The following UTRN variants were observed in gnomAD, a reference collection of about 807,000 sequenced individuals.
UTRN encodes utrophin, also known as dystrophin-related protein 1.
Under a neutral mutation model 463.9 loss-of-function variants are expected in UTRN, and 283 were observed. The ratio of observed to expected loss-of-function variants is 0.61; its 90% confidence interval spans 0.55 to 0.67. The LOEUF (loss-of-function observed/expected upper bound fraction) is 0.67. Among genes scored for constraint, UTRN ranks in the 30% least tolerant of loss-of-function variants. The probability of loss-of-function intolerance (pLI) is 0.00; values close to 1 mark genes in which losing one functional copy is unlikely to be tolerated. For missense variants in UTRN, 3,922 were observed against 4,084.3 expected (o/e 0.96, Z 1.08); for synonymous variants, 1,442 against 1,431.5 (o/e 1.01, Z -0.17).
chr6:144,842,553 C>T (rs1781678074), intron 73 of UTRN, among the ~76,000 whole-genome samples: 1 of 152,158 alleles, frequency 6.6e-6, no homozygotes, highest in South Asian at 2.1e-4. Context: ...CATGCCACTG[C>T]ACTTCAGCCT....
chr6:144,489,947 A>G, intron 30 of UTRN, 124 bp from the exon 31 acceptor site: 1 of 1,359,362 alleles, frequency 7.4e-7, no homozygotes, highest in Non-Finnish European at 9.9e-7. Flanking sequence ...GCTTCTGTGG[A>G]GGTCAACATT....
chr6:144,756,265 A>G (rs1791974923), intron 57 of UTRN, among the ~76,000 whole-genome samples: 1 of 152,196 alleles, frequency 6.6e-6, no homozygotes, highest in Non-Finnish European at 1.5e-5. Context: ...CTGTCTTTAC[A>G]GTTCTAACTA....
At chr6:144,430,281 T>C (rs568295095) in intron 9 of UTRN, among the ~76,000 whole-genome samples, 21 of 152,310 alleles carry the variant, frequency 1.4e-4, no homozygotes, top group East Asian at 7.7e-4. Context: ...TTCATCAGGA[T>C]ATAAATGAAT....
chr6:144,448,552 C>T (rs1276415092), intron 16 of UTRN, 48 bp from the exon 17 acceptor site: 14 of 1,582,110 alleles, frequency 8.8e-6, no homozygotes, highest in Non-Finnish European at 1.0e-5. Flanking sequence ...AATTACATCT[C>T]AATGAAGCTG....
rs187915993 is a variant in UTRN at position 144,441,193 on chromosome 6, C to T, written c.1512+722C>T. ...CAACAGTACCCCCAAAGTCTTAACTCATTTCAGCATTAACTCAAAAGTCCA... is the reference window on the plus strand; with the variant it reads ...CAACAGTACCCCCAAAGTCTTAACTTATTTCAGCATTAACTCAAAAGTCCA... On this transcript the variant is annotated intron_variant, in intron 13 of 74. Transcript: ENST00000367545. Among the ~76,000 whole-genome samples the T allele has an allele frequency of 3.6e-3, 555 of 152,302 alleles. 3 individuals are homozygous for T. The highest frequency in any genetic ancestry group is 0.012 in the African/African-American group (510 of 41,568).
At chr6:144,641,928 A>C (rs1777813899) in intron 51 of UTRN, among the ~76,000 whole-genome samples, 1 of 152,252 alleles carries the variant, frequency 6.6e-6, no homozygotes, top group South Asian at 2.1e-4. Flanking sequence ...CATGAATATG[A>C]AATTAGCAAC....
chr6:144,341,203 A>G (rs957446844), intron 2 of UTRN, among the ~76,000 whole-genome samples: 5 of 152,230 alleles, frequency 3.3e-5, no homozygotes, highest in African/African-American at 1.2e-4. Context: ...GAAATTTTTT[A>G]GAAGATGGAT....
Position 144,740,601 on chromosome 6 carries a change from G to A in UTRN, c.7940-7645G>A, listed in dbSNP as rs147052404. The stretch of plus-strand genomic sequence containing the variant: ...AAAATATAATGTTACTTTCTTTTCC[G>A]GTGTTCTTAACTACAGAGCAGTAAT... On this transcript the variant is annotated intron_variant, in intron 54 of 74. Transcript: ENST00000367545. Among the ~76,000 whole-genome samples the A allele has an allele frequency of 3.0e-4, 45 of 152,178 alleles. 1 individual carries two copies. The South Asian group carries it at 8.1e-3, about 27-fold the overall frequency.
rs950928632 is a variant in UTRN at position 144,544,491 on chromosome 6, C to T, written c.6595+1621C>T. 3.7e-4 allele frequency among the ~76,000 whole-genome samples: 57 copies of T among 152,234 alleles called. 2 individuals carry two copies. The East Asian group carries it at 7.3e-3, about 20-fold the overall frequency. On this transcript the variant is annotated intron_variant, in intron 46 of 74. Coordinates refer to ENST00000367545, the MANE Select transcript of UTRN (RefSeq NM_007124.3). ...ATGGATTTCTCTATTCTGGATATTT[C>T]ATATAAATGGAGTCATACGATGCTT...
At chr6:144,331,423 T>C (rs1030448900) in intron 2 of UTRN, among the ~76,000 whole-genome samples, 3 of 152,134 alleles carry the variant, frequency 2.0e-5, no homozygotes, top group African/African-American at 7.2e-5. Flanking sequence ...CCATCACTTC[T>C]CCGTGATGGA....
At chr6:144,396,529 T>C (rs1377376211) in intron 2 of UTRN, among the ~76,000 whole-genome samples, 2 of 152,192 alleles carry the variant, frequency 1.3e-5, no homozygotes, top group African/African-American at 4.8e-5. Flanking sequence ...CAAATATTGT[T>C]ATGTATTTTA....
chr6:144,661,153 C>G (rs1390672038), intron 51 of UTRN, among the ~76,000 whole-genome samples: 1 of 152,048 alleles, frequency 6.6e-6, no homozygotes, highest in Non-Finnish European at 1.5e-5. Context: ...CCGTGAATGC[C>G]CCATGGATCA....
chr6:144,323,945 G>T (rs1399865342), intron 2 of UTRN, among the ~76,000 whole-genome samples: 1 of 152,182 alleles, frequency 6.6e-6, no homozygotes, highest in African/African-American at 2.4e-5. Context: ...AGTTCTTTCT[G>T]ATCTGCAAGG....
At chr6:144,324,299 G>C (rs1775843726) in intron 2 of UTRN, among the ~76,000 whole-genome samples, 1 of 151,982 alleles carries the variant, frequency 6.6e-6, no homozygotes, top group South Asian at 2.1e-4. Context: ...TCTGCATCGA[G>C]GTCCCCAAAA....
chr6:144,314,870 A>G (rs189425909), intron 2 of UTRN, among the ~76,000 whole-genome samples: 19 of 152,138 alleles, frequency 1.2e-4, no homozygotes, highest in African/African-American at 3.9e-4. Flanking sequence ...CTCAGTGTCC[A>G]TTTGGTGCCA....
At chr6:144,824,437 A>ATATATATACACTATGTATATATATTG (rs1779875461) in intron 66 of UTRN, among the ~76,000 whole-genome samples, 3 of 114,088 alleles carry the variant, frequency 2.6e-5, no homozygotes, top group African/African-American at 9.9e-5. Context: ...CACACATTGT[A>ATATATATACACTATGTATATATATTG]TATATATACA....
chr6:144,717,856 C>T (rs1003288609), intron 53 of UTRN, among the ~76,000 whole-genome samples: 4 of 151,612 alleles, frequency 2.6e-5, no homozygotes, highest in African/African-American at 4.8e-5. Flanking sequence ...AGGCTGGTCT[C>T]GAACTCCTGA....
At chr6:144,480,842 A>C (rs1166127630) in intron 26 of UTRN, among the ~76,000 whole-genome samples, 2 of 152,108 alleles carry the variant, frequency 1.3e-5, no homozygotes, top group Non-Finnish European at 2.9e-5. Flanking sequence ...GATTTTTTTC[A>C]AAAAAGGGAT....
chr6:144,631,573 G>C (rs1055906416), intron 51 of UTRN, among the ~76,000 whole-genome samples: 2 of 152,162 alleles, frequency 1.3e-5, no homozygotes. Context: ...AGAGCTTGGC[G>C]TATGTATTGG....
Sources: gnomAD v4.1 joint callset for allele counts (sites outside exome capture counted in the v4.1 genomes callset) on GRCh38, gnomAD v4.1.1 for gene constraint, MANE v1.5 for transcripts, NCBI Gene and HGNC (gene_info 2026-07-23, HGNC 2026-07-21) for gene names.